The following LDLRAD3 variants were observed in gnomAD, a reference collection of about 807,000 sequenced individuals.
The protein encoded by LDLRAD3 is low density lipoprotein receptor class A domain containing 3, also known as low-density lipoprotein receptor class A domain-containing protein 3.
In LDLRAD3, 20 loss-of-function variants were observed where a neutral mutation model predicts 29.4. The observed-to-expected ratio is 0.68, with a 90% CI of 0.48 to 0.99. The LOEUF is 0.99. Among genes scored for constraint, LDLRAD3 ranks in the 50% least tolerant of loss-of-function variants. The probability of loss-of-function intolerance (pLI) is 0.00; values close to 1 mark genes in which losing one functional copy is unlikely to be tolerated. For missense variants in LDLRAD3, 420 were observed against 454.3 expected (o/e 0.92, Z 0.69); for synonymous variants, 157 against 192.7 (o/e 0.81, Z 1.53).
chr11:36,056,897 A>G (rs1183778564), intron 2 of LDLRAD3, among the ~76,000 whole-genome samples: 3 of 152,110 alleles, frequency 2.0e-5, no homozygotes. Flanking sequence ...TTCAAACTTT[A>G]TATGCATTCA....
At chr11:36,136,234 G>A (rs1229348499) in intron 4 of LDLRAD3, among the ~76,000 whole-genome samples, 1 of 152,170 alleles carries the variant, frequency 6.6e-6, no homozygotes, top group African/African-American at 2.4e-5. Context: ...AGTGCCCACT[G>A]TGCACCAGAT....
intron 2 of LDLRAD3, among the ~76,000 whole-genome samples, chr11:36,057,980 A>C (rs1266828310): frequency 6.6e-6 from 1 of 152,176 alleles, no homozygotes; most frequent in African/African-American, 2.4e-5. Context: ...GAAGTACCTC[A>C]TCTCAGTGGA....
At chr11:36,224,521 A>G (rs1217439475) in intron 4 of LDLRAD3, among the ~76,000 whole-genome samples, 1 of 152,200 alleles carries the variant, frequency 6.6e-6, no homozygotes, top group Admixed American at 6.5e-5. Context: ...ATGACAGCTA[A>G]TTGTCTCCAG....
chr11:36,114,886 C>T (rs575962357), intron 4 of LDLRAD3, among the ~76,000 whole-genome samples: 24 of 152,328 alleles, frequency 1.6e-4, no homozygotes, highest in African/African-American at 5.5e-4. Context: ...TTCTTTGGCA[C>T]TCCTACCTTT....
intron 4 of LDLRAD3, among the ~76,000 whole-genome samples, chr11:36,106,590 G>T (rs373860295): frequency 2.0e-5 from 3 of 152,138 alleles, no homozygotes; most frequent in African/African-American, 7.2e-5. Flanking sequence ...TAGGCAGAGG[G>T]GTCACCAAAT....
intron 2 of LDLRAD3, among the ~76,000 whole-genome samples, chr11:36,081,064 G>T (rs770193805): frequency 2.0e-5 from 3 of 152,182 alleles, no homozygotes; most frequent in Non-Finnish European, 2.9e-5. Flanking sequence ...GTTAGGTAGG[G>T]TGGTGCAAAG....
chr11:35,987,303 A>C (rs1041212405), intron 1 of LDLRAD3, among the ~76,000 whole-genome samples: 5 of 152,196 alleles, frequency 3.3e-5, no homozygotes, highest in Non-Finnish European at 7.3e-5. Flanking sequence ...GCAGGTTTGT[A>C]ACATGAGGGT....
chr11:36,104,135 G>T (rs55899534), intron 4 of LDLRAD3, among the ~76,000 whole-genome samples: 51,696 of 152,060 alleles, frequency 0.34, 9,944 homozygotes, highest in East Asian at 0.54. Flanking sequence ...CCACTCTTGA[G>T]GCAAGCCAGC....
Position 36,208,335 on chromosome 11 carries a change from G to T in LDLRAD3, c.455-18750G>T, listed in dbSNP as rs112428290. Among the ~76,000 whole-genome samples, 1,512 of 152,320 alleles carry T rather than the reference G, an allele frequency of 9.9e-3. 24 individuals carry two copies. Among genetic ancestry groups the T allele is most frequent in the African/African-American group, 0.034 (1,410 of 41,554 alleles). ...CAGAAATTTGTTTCACACAGTTCTG[G>T]AGCCTGGGAAGTTCAAGATCAAGGC... On this transcript the variant is annotated intron_variant, in intron 4 of 5. Transcript: ENST00000315571.
chr11:36,007,805 A>C (rs1851903894), intron 1 of LDLRAD3, among the ~76,000 whole-genome samples: 1 of 152,168 alleles, frequency 6.6e-6, no homozygotes, highest in South Asian at 2.1e-4. Flanking sequence ...TTCTGAGGGG[A>C]AACTGGCAGG....
intron 1 of LDLRAD3, among the ~76,000 whole-genome samples, chr11:35,976,193 T>C (rs1826845815): frequency 6.6e-6 from 1 of 152,156 alleles, no homozygotes; most frequent in African/African-American, 2.4e-5. Flanking sequence ...GAAACCTGCC[T>C]GGTAATTCTT....
chr11:36,141,231 A>G (rs1287197125), intron 4 of LDLRAD3, among the ~76,000 whole-genome samples: 5 of 152,198 alleles, frequency 3.3e-5, no homozygotes, highest in African/African-American at 1.2e-4. Flanking sequence ...ATAATCACCT[A>G]TCGAGTTTTT....
intron 1 of LDLRAD3, among the ~76,000 whole-genome samples, chr11:35,989,597 A>G (rs1381665893): frequency 6.6e-6 from 1 of 152,064 alleles, no homozygotes; most frequent in Non-Finnish European, 1.5e-5. Context: ...CTGCTTAGTT[A>G]TATGTATTCC....
chr11:36,218,038 A>G lies in LDLRAD3; in HGVS notation c.455-9047A>G, dbSNP rs76350795. On this transcript the variant is annotated intron_variant, in intron 4 of 5. Coordinates refer to ENST00000315571, the MANE Select transcript of LDLRAD3 (RefSeq NM_174902.4). ...CTTTGGAGGGACACTACTCAACTCA[A>G]TACAGATGGTGCAAGGATTAAAAGT... Among the ~76,000 whole-genome samples, 77 of 152,340 alleles carry G rather than the reference A, an allele frequency of 5.1e-4. 1 individual carries two copies. Among genetic ancestry groups the G allele is most frequent in the African/African-American group, 1.8e-3 (74 of 41,566 alleles).
intron 1 of LDLRAD3, chr11:35,968,380 G>C: frequency 2.7e-6 from 1 of 365,366 alleles, no homozygotes; most frequent in Non-Finnish European, 5.4e-6. Context: ...GAGTAGAGGG[G>C]CTGGCACCAT....
At chr11:36,041,836 A>G (rs562973630) in intron 2 of LDLRAD3, among the ~76,000 whole-genome samples, 1 of 152,056 alleles carries the variant, frequency 6.6e-6, no homozygotes, top group African/African-American at 2.4e-5. Context: ...TTGACTTTCC[A>G]TGTACAGACC....
At chr11:36,223,118 T>C (rs1227788006) in intron 4 of LDLRAD3, among the ~76,000 whole-genome samples, 1 of 152,158 alleles carries the variant, frequency 6.6e-6, no homozygotes, top group Non-Finnish European at 1.5e-5. Context: ...GCCTAGTTAA[T>C]GAATTAACAC....
chr11:36,154,470 G>A lies in LDLRAD3; in HGVS notation c.454+56009G>A, dbSNP rs12225933. 5.9e-5 allele frequency among the ~76,000 whole-genome samples: 9 copies of A among 152,250 alleles called. No homozygotes were observed. The East Asian group carries it at 1.5e-3, about 26-fold the overall frequency. ...GAACCCTAAATCCACAAGCAGCTCC[G>A]CCTGTGGTCACATGAATTTGGGAGG... On this transcript the variant is annotated intron_variant, in intron 4 of 5. Coordinates refer to ENST00000315571, the MANE Select transcript of LDLRAD3 (RefSeq NM_174902.4).
chr11:35,987,893 A>T (rs2133163807), intron 1 of LDLRAD3, among the ~76,000 whole-genome samples: 1 of 152,344 alleles, frequency 6.6e-6, no homozygotes, highest in Non-Finnish European at 1.5e-5. Flanking sequence ...AACTGTGTAT[A>T]AGCGTTCCGT....
Sources: allele counts gnomAD v4.1 joint callset (sites outside exome capture counted in the v4.1 genomes callset), GRCh38; gene constraint gnomAD v4.1.1; transcripts MANE v1.5; gene names NCBI Gene and HGNC (gene_info 2026-07-23, HGNC 2026-07-21).